ADCY7: variants seen among roughly 807,000 people sequenced by gnomAD.
ADCY7 encodes the protein adenylate cyclase 7, also known as adenylate cyclase type 7.
Under a neutral mutation model 120.6 loss-of-function variants are expected in ADCY7, and 72 were observed. The ratio of observed to expected loss-of-function variants is 0.60; its 90% CI spans 0.49 to 0.73. The LOEUF (loss-of-function observed/expected upper bound fraction) is 0.73, where lower values mean the gene tolerates loss of function less well. Ranked by LOEUF, ADCY7 falls within the 30% of genes least tolerant of loss-of-function variation. The probability of loss-of-function intolerance (pLI) is 0.00; values close to 1 mark genes in which losing one functional copy is unlikely to be tolerated. For missense variants in ADCY7, 1,227 were observed against 1,486.0 expected (o/e 0.83, Z 2.87); for synonymous variants, 661 against 628.0 (o/e 1.05, Z -0.78).
At chr16:50,293,601 C>T (rs2035145587) in intron 6 of ADCY7, 99 bp downstream of exon 6, 14 of 1,437,806 alleles carry the variant, frequency 9.7e-6, no homozygotes, top group Non-Finnish European at 1.2e-5. Context: ...GGCTCAGACC[C>T]CTGCCCATAT....
At chr16:50,260,042 TG>T (rs1338599816) in intron 1 of ADCY7, among the ~76,000 whole-genome samples, 1 of 152,208 alleles carries the variant, frequency 6.6e-6, no homozygotes, top group Non-Finnish European at 1.5e-5. Context: ...TCCCTCTCCC[TG>T]GGGAGCTCAC....
At position 50,310,387 on chromosome 16, in the gene ADCY7, CAGGG is replaced by C. The variant is rs934578003; in HGVS notation, c.2161-296_2161-293del. 2.2e-5 allele frequency: 31 copies of C among 1,423,606 alleles called. No individual in the cohort carries two copies. The African/African-American group carries it at 3.5e-4, about 16-fold the overall frequency. 88.2% of individuals were successfully genotyped at this position (1,423,606 alleles called of 1,614,324 possible). On this transcript the variant is annotated intron_variant, in intron 18 of 25. Transcript: ENST00000673801. ...TTGGGAGGGTAAGCTCACAAAAACTCAGGGAGGCAGCTTGGATGCATGCACGCTC... is the reference window on the plus strand; with the variant it reads ...TTGGGAGGGTAAGCTCACAAAAACTCAGGCAGCTTGGATGCATGCACGCTC...
Position 50,305,807 on chromosome 16 carries a change from C to T in ADCY7, c.1710C>T (p.Tyr570=), listed in dbSNP as rs1439860131. The change falls in exon 14 of 26, where the codon TAC becomes TAT. Residue 570 remains tyrosine, a synonymous_variant. Coordinates refer to ENST00000673801, the MANE Select transcript of ADCY7 (RefSeq NM_001114.5). The part of the protein sequence containing the change: ...RPCCSKSDDF[Y]TFGSIFLEKG... ...GCTGCTCCAAGTCCGATGACTTCTA[C>T]ACCTTTGGGTCCATCTTCCTGGAGA... 6.2e-7 allele frequency: 1 copy of T among 1,613,898 alleles called. No homozygotes were observed. The highest frequency in any genetic ancestry group is 1.3e-5 in the African/African-American group (1 of 74,944).
chr16:50,293,420 C>T lies in ADCY7; in HGVS notation c.754C>T (p.Arg252Trp). The change falls in exon 6 of 26, where the codon CGG becomes TGG. Residue 252 changes from arginine (R) to tryptophan (W), a missense_variant. Physicochemically the swap from Arg to Trp is moderately radical, Grantham distance 101 (BLOSUM62 -3). Transcript: ENST00000673801. ...GGGCATGAAGCTGGCCATCATCGAA[C>T]GGCTCAAGGAGCATGGTGACCGTCG... ...SMGMKLAIIE[R>W]LKEHGDRRCM... 2.5e-6 allele frequency: 4 copies of T among 1,614,056 alleles called. No individual in the cohort carries two copies. The highest frequency in any genetic ancestry group is 3.4e-6 in the Non-Finnish European group (4 of 1,180,018).
At chr16:50,309,400 C>A in intron 17 of ADCY7, 148 bp from the exon 18 acceptor site, 1 of 621,176 alleles carries the variant, frequency 1.6e-6, no homozygotes, top group Non-Finnish European at 2.8e-6. Flanking sequence ...GGAGTCGGCA[C>A]GGCGGCTTGA....
chr16:50,291,492 C>T (rs368612932), intron 3 of ADCY7, among the ~76,000 whole-genome samples: 2 of 152,296 alleles, frequency 1.3e-5, no homozygotes, highest in Admixed American at 1.3e-4. Flanking sequence ...GGGCATGGAG[C>T]CTCCCACCTA....
Position 50,317,550 on chromosome 16 carries a change from AACTG to A in ADCY7, c.*2049_*2052del, listed in dbSNP as rs1322354979. 3 of 152,372 alleles carry A rather than the reference AACTG, an allele frequency of 2.0e-5. No individual in the cohort carries two copies. Among genetic ancestry groups the A allele is most frequent in the Non-Finnish European group, 4.4e-5 (3 of 68,044 alleles). The allele number at this position is 152,372 out of a possible 1,614,324, so 9.4% of individuals were successfully genotyped here. ...AACCCCAGTTGGGAGTTTAACAAAT[AACTG>A]ACTACCACTCACTCATGCATTTTTA... On this transcript the variant is annotated 3_prime_UTR_variant, in exon 26 of 26. Coordinates refer to ENST00000673801, the MANE Select transcript of ADCY7 (RefSeq NM_001114.5).
At position 50,290,471 on chromosome 16, in the gene ADCY7, C is replaced by T. The variant is rs753944425; in HGVS notation, c.186C>T (p.His62=). The part of the protein sequence containing the change: ...IAFSQGDPSR[H]QAILGMAFLV... ...GCTCCACCCAGGACCCCTCCAGACACCAGGCCATTCTGGGCATGGCGTTCC... is the reference window on the plus strand; with the variant it reads ...GCTCCACCCAGGACCCCTCCAGACATCAGGCCATTCTGGGCATGGCGTTCC... The change falls in exon 3 of 26, where the codon CAC becomes CAT. Residue 62 remains histidine (H), a synonymous_variant. Transcript: ENST00000673801. The T allele has an allele frequency of 1.9e-6, 3 of 1,614,222 alleles. No individual in the cohort carries two copies. The highest frequency in any genetic ancestry group is 2.5e-6 in the Non-Finnish European group (3 of 1,180,052).
At chr16:50,292,009 A>C (rs528475942) in intron 4 of ADCY7, 112 bp downstream of exon 4, 6 of 1,237,432 alleles carry the variant, frequency 4.8e-6, no homozygotes, top group East Asian at 2.5e-5. Context: ...CCGTGTTTGC[A>C]GACAGCCCGC....
Position 50,314,075 on chromosome 16 carries a change from A to G in ADCY7, c.2856+13A>G. 1.2e-6 allele frequency: 2 copies of G among 1,611,446 alleles called. No homozygotes were observed. Among genetic ancestry groups the G allele is most frequent in the South Asian group, 2.2e-5 (2 of 90,978 alleles). On this transcript the variant is annotated intron_variant, in intron 23 of 25. Transcript: ENST00000673801. ...GCACGAGAACCAGGTACTCAAGCCCAAGAGGTGAAATTCAGCTGACTGTCC... is the reference window on the plus strand; with the variant it reads ...GCACGAGAACCAGGTACTCAAGCCCGAGAGGTGAAATTCAGCTGACTGTCC...
At position 50,293,410 on chromosome 16, in the gene ADCY7, C is replaced by T. The variant is rs201388267; in HGVS notation, c.744C>T (p.Ala248=). ...PAHISMGMKL[A]IIERLKEHGD... ...ACATCTCCATGGGCATGAAGCTGGC[C>T]ATCATCGAACGGCTCAAGGAGCATG... Residue 248 remains alanine (A), a synonymous_variant, in exon 6 of 26, where the codon GCC becomes GCT. Transcript: ENST00000673801. The T allele has an allele frequency of 3.2e-5, 52 of 1,614,064 alleles. No individual in the cohort carries two copies. In the East Asian group the frequency reaches 1.1e-3, roughly 34 times the overall value.
intron 1 of ADCY7, among the ~76,000 whole-genome samples, chr16:50,251,501 G>A (rs1294063885): frequency 6.6e-6 from 1 of 152,236 alleles, no homozygotes; most frequent in African/African-American, 2.4e-5. Context: ...GCTTGCTCAG[G>A]ACACCGCAGA....
At chr16:50,271,638 C>T (rs2033581368) in intron 1 of ADCY7, among the ~76,000 whole-genome samples, 2 of 152,200 alleles carry the variant, frequency 1.3e-5, no homozygotes, top group Non-Finnish European at 2.9e-5. Flanking sequence ...CCACTTGTCA[C>T]CGTTATCCAC....
chr16:50,270,203 A>T (rs545988040), intron 1 of ADCY7, among the ~76,000 whole-genome samples: 11 of 152,132 alleles, frequency 7.2e-5, no homozygotes, highest in African/African-American at 2.7e-4. Context: ...AGATAGATAG[A>T]TAGATAGATA....
chr16:50,270,228 T>TAGATAAAC (rs1555516680), intron 1 of ADCY7, among the ~76,000 whole-genome samples: 1 of 148,440 alleles, frequency 6.7e-6, no homozygotes, highest in Non-Finnish European at 1.5e-5. Flanking sequence ...GATAGATAGA[T>TAGATAAAC]AAACAGATAG....
upstream of ADCY7, among the ~76,000 whole-genome samples, chr16:50,245,920 C>T (rs910271790): frequency 1.4e-5 from 2 of 139,146 alleles, no homozygotes; most frequent in South Asian, 2.3e-4. Context: ...CGCTCCCTCC[C>T]GCGGCAGCGC....
chr16:50,290,618 G>C lies in ADCY7; in HGVS notation c.333G>C (p.Leu111=), dbSNP rs780587539. The part of the protein sequence containing the change: ...WACLVALGYV[L]VFDAWTKAAC... ...GCTTGGTGGCGCTGGGCTATGTGCT[G>C]GTGTTCGACGCATGGACAAAGGCGG... Residue 111 remains leucine (L), a synonymous_variant, in exon 3 of 26, where the codon CTG becomes CTC. Transcript: ENST00000673801. 1.2e-5 allele frequency: 20 copies of C among 1,614,108 alleles called. No individual in the cohort carries two copies. Among genetic ancestry groups the C allele is most frequent in the East Asian group, 2.2e-5 (1 of 44,884 alleles).
At chr16:50,301,503 G>C (rs778712615) in intron 10 of ADCY7, among the ~76,000 whole-genome samples, 11 of 152,246 alleles carry the variant, frequency 7.2e-5, no homozygotes, top group Admixed American at 3.9e-4. Context: ...AGCATTCTAT[G>C]TATTCTCGTC....
intron 1 of ADCY7, among the ~76,000 whole-genome samples, chr16:50,250,381 C>T (rs576835409): frequency 6.2e-4 from 92 of 147,578 alleles, no homozygotes; most frequent in Non-Finnish European, 1.0e-3. Context: ...CGCTTGAACC[C>T]GGGAGGCGGA....
Sources: allele counts gnomAD v4.1 joint callset (sites outside exome capture counted in the v4.1 genomes callset), GRCh38; gene constraint gnomAD v4.1.1; transcripts MANE v1.5; gene names NCBI Gene and HGNC (gene_info 2026-07-23, HGNC 2026-07-21).